Variants in NPAS3 observed in about 807,000 individuals in gnomAD.
NPAS3 encodes neuronal PAS domain protein 3.
A neutral mutation model predicts 73.1 loss-of-function variants in NPAS3; 14 were observed. That is an observed-to-expected ratio of 0.19 (90% confidence interval 0.13 to 0.30). The LOEUF (loss-of-function observed/expected upper bound fraction) is 0.30, where lower values mean the gene tolerates loss of function less well. NPAS3 is among the 10% of genes least tolerant of loss of function. NPAS3 has a pLI of 1.00. For missense variants in NPAS3, 1,096 were observed against 1,250.0 expected (o/e 0.88, Z 1.86); for synonymous variants, 620 against 541.5 (o/e 1.14, Z -2.01).
intron 4 of NPAS3, among the ~76,000 whole-genome samples, chr14:33,446,440 G>C (rs1164756378): frequency 6.6e-6 from 1 of 152,044 alleles, no homozygotes; most frequent in Non-Finnish European, 1.5e-5. Flanking sequence ...CTCCCAAAGT[G>C]CTGGGATTAC....
intron 2 of NPAS3, among the ~76,000 whole-genome samples, chr14:33,130,856 T>C (rs552985268): frequency 6.6e-6 from 1 of 152,302 alleles, no homozygotes; most frequent in East Asian, 1.9e-4. Context: ...TCTCTCTTCC[T>C]GAAATTCCTA....
chr14:33,362,171 T>G (rs577159876), intron 3 of NPAS3, among the ~76,000 whole-genome samples: 1 of 152,282 alleles, frequency 6.6e-6, no homozygotes, highest in African/African-American at 2.4e-5. Flanking sequence ...CTATTTCAGT[T>G]TCTTCTCCAA....
chr14:33,409,589 A>G (rs1298778220), intron 4 of NPAS3, among the ~76,000 whole-genome samples: 1 of 152,178 alleles, frequency 6.6e-6, no homozygotes, highest in Non-Finnish European at 1.5e-5. Context: ...GCCCTCTTTT[A>G]AAATGTGGAA....
At position 33,745,286 on chromosome 14, in the gene NPAS3, G is replaced by A. The variant is rs544126577; in HGVS notation, c.852+9954G>A. ...TGGGAAGTGCAATAATGTGAAACAC[G>A]ATAAAACAGGAAACAAGGAATGTAT... On this transcript the variant is annotated intron_variant, in intron 7 of 11. Coordinates refer to ENST00000356141, the Ensembl canonical transcript of NPAS3. Among the ~76,000 whole-genome samples, 6 of 152,222 alleles carry A rather than the reference G, an allele frequency of 3.9e-5. No homozygotes were observed. In the East Asian group the frequency reaches 7.7e-4, roughly 20 times the overall value.
intron 11 of NPAS3, 48 bp downstream of exon 11, chr14:33,797,629 G>A (rs374060004): frequency 1.5e-4 from 246 of 1,596,626 alleles, no homozygotes; most frequent in Middle Eastern, 3.3e-4. Flanking sequence ...TGCCCACCAC[G>A]CGCAGGGGGT....
intron 2 of NPAS3, among the ~76,000 whole-genome samples, chr14:33,143,769 C>T (rs1029149437): frequency 6.6e-6 from 1 of 152,142 alleles, no homozygotes; most frequent in African/African-American, 2.4e-5. Context: ...TGCTCTGTCT[C>T]TGTGGATTTA....
At chr14:33,338,512 CA>C (rs879338529) in intron 3 of NPAS3, among the ~76,000 whole-genome samples, 17 of 151,984 alleles carry the variant, frequency 1.1e-4, no homozygotes, top group Non-Finnish European at 1.9e-4. Flanking sequence ...TTTCTTTTTC[CA>C]AGGAAGAAAT....
chr14:33,221,023 G>A (rs1286772901), intron 3 of NPAS3, among the ~76,000 whole-genome samples: 1 of 152,238 alleles, frequency 6.6e-6, no homozygotes, highest in African/African-American at 2.4e-5. Flanking sequence ...TGGAGCTGCG[G>A]TTAGGCTGCG....
intron 3 of NPAS3, among the ~76,000 whole-genome samples, chr14:33,337,307 A>G (rs2140298480): frequency 6.6e-6 from 1 of 152,252 alleles, no homozygotes; most frequent in East Asian, 1.9e-4. Context: ...TACTTTTGAC[A>G]TACATGTATC....
At chr14:33,660,391 TAAAG>T (rs1001349146) in intron 5 of NPAS3, among the ~76,000 whole-genome samples, 1 of 152,210 alleles carries the variant, frequency 6.6e-6, no homozygotes, top group Non-Finnish European at 1.5e-5. Context: ...CTTTTATGGA[TAAAG>T]AAAGAGCTGC....
At chr14:32,985,505 A>G (rs1464092274) in intron 1 of NPAS3, among the ~76,000 whole-genome samples, 1 of 152,188 alleles carries the variant, frequency 6.6e-6, no homozygotes, top group African/African-American at 2.4e-5. Flanking sequence ...TTCTGTAAAT[A>G]ATTTATCTAA....
chr14:33,259,730 A>G (rs923162972), intron 3 of NPAS3, among the ~76,000 whole-genome samples: 1 of 152,242 alleles, frequency 6.6e-6, no homozygotes, highest in Non-Finnish European at 1.5e-5. Flanking sequence ...ACCCTTGTCT[A>G]TAGACACAGC....
intron 2 of NPAS3, among the ~76,000 whole-genome samples, chr14:33,206,329 G>A (rs1308791186): frequency 1.3e-5 from 2 of 152,094 alleles, no homozygotes; most frequent in African/African-American, 4.8e-5. Context: ...TTTCTTGTGA[G>A]ACAGTAAGAT....
At chr14:33,475,560 A>AAAT (rs1217619999) in intron 4 of NPAS3, among the ~76,000 whole-genome samples, 3 of 151,950 alleles carry the variant, frequency 2.0e-5, no homozygotes. Flanking sequence ...AAAAAAAAAA[A>AAAT]AAAAAAGCCT....
chr14:33,563,537 C>CACACACACACAGAG lies in NPAS3; in HGVS notation c.558+3328_558+3329insCACACACACAGAGA. Among the ~76,000 whole-genome samples the CACACACACACAGAG allele has an allele frequency of 1.8e-3, 220 of 119,686 alleles. 2 individuals carry two copies. The highest frequency in any genetic ancestry group is 7.4e-3 in the African/African-American group (197 of 26,764). 78.5% of individuals were successfully genotyped at this position (119,686 alleles called of 152,430 possible). On this transcript the variant is annotated intron_variant, in intron 5 of 11. Coordinates refer to ENST00000356141, the Ensembl canonical transcript of NPAS3. ...ATACATACACACACACACACACACA[C>CACACACACACAGAG]AGAGAGAGAGAGAGAGAGAGAGAGA...
intron 4 of NPAS3, among the ~76,000 whole-genome samples, chr14:33,416,204 A>C (rs1377569731): frequency 1.3e-5 from 2 of 152,116 alleles, no homozygotes; most frequent in Non-Finnish European, 2.9e-5. Flanking sequence ...TTTACGTTGA[A>C]CATAAAGGAT....
At chr14:33,674,070 A>ATCAAGACTCAGTCTT (rs1468449343) in intron 5 of NPAS3, among the ~76,000 whole-genome samples, 1 of 152,204 alleles carries the variant, frequency 6.6e-6, no homozygotes, top group Non-Finnish European at 1.5e-5. Flanking sequence ...TCTGTGGCAC[A>ATCAAGACTCAGTCTT]TCAAGACTCA....
intron 5 of NPAS3, among the ~76,000 whole-genome samples, chr14:33,613,554 T>C (rs2057817899): frequency 6.6e-6 from 1 of 152,072 alleles, no homozygotes; most frequent in Non-Finnish European, 1.5e-5. Flanking sequence ...TACATTCTGC[T>C]CCTATTTCAG....
intron 5 of NPAS3, among the ~76,000 whole-genome samples, chr14:33,632,885 G>A (rs1407958816): frequency 6.6e-6 from 1 of 152,158 alleles, no homozygotes; most frequent in African/African-American, 2.4e-5. Context: ...GTGGCTTGTA[G>A]CTAAGCCAGA....
Sources: allele counts gnomAD v4.1 joint callset (sites outside exome capture counted in the v4.1 genomes callset), GRCh38; gene constraint gnomAD v4.1.1; transcripts MANE v1.5; gene names NCBI Gene and HGNC (gene_info 2026-07-23, HGNC 2026-07-21).